Variants in SDC2 observed in about 807,000 individuals in gnomAD.
SDC2 encodes syndecan-2.
In SDC2, 13 loss-of-function variants were observed where a neutral mutation model predicts 22.2. The observed-to-expected ratio is 0.59, with a 90% CI of 0.38 to 0.93. The LOEUF (loss-of-function observed/expected upper bound fraction) is 0.93. Among genes scored for constraint, SDC2 ranks in the 40% least tolerant of loss-of-function variants. The pLI, the probability that SDC2 is intolerant of heterozygous loss-of-function variation, is 0.00. For missense variants in SDC2, 235 were observed against 246.8 expected (o/e 0.95, Z 0.32); for synonymous variants, 94 against 92.8 (o/e 1.01, Z -0.07).
At chr8:96,549,051 T>A (rs1813982766) in intron 1 of SDC2, among the ~76,000 whole-genome samples, 3 of 152,224 alleles carry the variant, frequency 2.0e-5, no homozygotes, top group African/African-American at 7.2e-5. Context: ...AACTCGAAGG[T>A]GCCTCTGTAC....
intron 1 of SDC2, among the ~76,000 whole-genome samples, chr8:96,500,640 C>A (rs1044883214): frequency 8.1e-6 from 1 of 122,964 alleles, no homozygotes; most frequent in African/African-American, 3.2e-5. Context: ...GCAGCCTGGG[C>A]GACAGAGTGA....
At chr8:96,567,827 T>C (rs1586304302) in intron 1 of SDC2, among the ~76,000 whole-genome samples, 1 of 152,318 alleles carries the variant, frequency 6.6e-6, no homozygotes, top group Middle Eastern at 3.4e-3. Context: ...AACACCTCCG[T>C]TGAGCACCTC....
At chr8:96,525,353 G>A (rs1813561012) in intron 1 of SDC2, among the ~76,000 whole-genome samples, 1 of 152,156 alleles carries the variant, frequency 6.6e-6, no homozygotes, top group South Asian at 2.1e-4. Flanking sequence ...CCTCCCACCT[G>A]TGCTCACTTC....
At chr8:96,514,917 C>T (rs762415873) in intron 1 of SDC2, among the ~76,000 whole-genome samples, 100 of 152,112 alleles carry the variant, frequency 6.6e-4, no homozygotes, top group Admixed American at 1.2e-3. Context: ...CCCCGGGGGT[C>T]GGGGAATCCC....
intron 2 of SDC2, among the ~76,000 whole-genome samples, chr8:96,599,049 C>G (rs759562972): frequency 6.7e-6 from 1 of 148,518 alleles, no homozygotes; most frequent in Non-Finnish European, 1.5e-5. Flanking sequence ...TCAAGTGATT[C>G]TCCTGCTTGA....
intron 1 of SDC2, among the ~76,000 whole-genome samples, chr8:96,568,754 A>G (rs1814341570): frequency 6.6e-6 from 1 of 152,218 alleles, no homozygotes; most frequent in South Asian, 2.1e-4. Context: ...ATGGGTCTTT[A>G]GTCCTAAGAG....
intron 3 of SDC2, among the ~76,000 whole-genome samples, chr8:96,604,488 A>G (rs1432848453): frequency 6.6e-6 from 1 of 152,182 alleles, no homozygotes; most frequent in Non-Finnish European, 1.5e-5. Flanking sequence ...GATAATGATA[A>G]TATTGATCAT....
chr8:96,602,329 T>A, intron 2 of SDC2, 66 bp from the exon 3 acceptor site: 1 of 1,533,582 alleles, frequency 6.5e-7, no homozygotes, highest in African/African-American at 1.4e-5. Flanking sequence ...CAGGCAATAG[T>A]GCCTGATAAT....
intron 1 of SDC2, among the ~76,000 whole-genome samples, chr8:96,500,411 C>T (rs566280244): frequency 2.6e-4 from 40 of 152,008 alleles, no homozygotes; most frequent in Non-Finnish European, 5.4e-4. Context: ...CCTGTAATCC[C>T]AGCACTTTGG....
chr8:96,589,964 C>T (rs1743796746), intron 1 of SDC2, among the ~76,000 whole-genome samples: 1 of 152,216 alleles, frequency 6.6e-6, no homozygotes, highest in African/African-American at 2.4e-5. Flanking sequence ...TCCTTCTAGG[C>T]ATTGTGGGTT....
At chr8:96,606,374 A>T (rs944266069) in intron 3 of SDC2, among the ~76,000 whole-genome samples, 1 of 152,156 alleles carries the variant, frequency 6.6e-6, no homozygotes, top group Admixed American at 6.5e-5. Context: ...TTAAACCTCA[A>T]TGAAGTTGAC....
At chr8:96,596,219 A>G (rs758326149) in intron 2 of SDC2, among the ~76,000 whole-genome samples, 22 of 152,178 alleles carry the variant, frequency 1.4e-4, no homozygotes, top group Non-Finnish European at 2.4e-4. Context: ...TGGGCGTGAG[A>G]GTGTGTTTTC....
intron 2 of SDC2, among the ~76,000 whole-genome samples, chr8:96,598,142 C>T (rs1336149255): frequency 6.6e-6 from 1 of 152,030 alleles, no homozygotes; most frequent in Non-Finnish European, 1.5e-5. Flanking sequence ...GCAAAGGGGA[C>T]AAACAGTGTC....
At chr8:96,571,883 G>T (rs1272456342) in intron 1 of SDC2, among the ~76,000 whole-genome samples, 1 of 152,180 alleles carries the variant, frequency 6.6e-6, no homozygotes, top group African/African-American at 2.4e-5. Context: ...TTGGATCCTG[G>T]CGCTGTGAAG....
At chr8:96,572,308 T>A (rs1303576843) in intron 1 of SDC2, among the ~76,000 whole-genome samples, 1 of 152,172 alleles carries the variant, frequency 6.6e-6, no homozygotes, top group East Asian at 1.9e-4. Context: ...TTATGGAAAG[T>A]TTTTTTGGGC....
chr8:96,577,904 A>G (rs547060220), intron 1 of SDC2, among the ~76,000 whole-genome samples: 2 of 152,182 alleles, frequency 1.3e-5, no homozygotes, highest in Admixed American at 1.3e-4. Context: ...TGTCTTTTTG[A>G]TGGCTTGATA....
intron 1 of SDC2, among the ~76,000 whole-genome samples, chr8:96,571,782 C>CAA (rs1814399283): frequency 6.6e-6 from 1 of 152,126 alleles, no homozygotes; most frequent in Non-Finnish European, 1.5e-5. Flanking sequence ...GAAGACAGTA[C>CAA]CTTGAACATT....
intron 1 of SDC2, among the ~76,000 whole-genome samples, chr8:96,557,057 A>G (rs1264404852): frequency 6.6e-6 from 1 of 150,578 alleles, no homozygotes; most frequent in African/African-American, 2.4e-5. Context: ...GAGAAATGCA[A>G]ATCAAAACCA....
intron 3 of SDC2, among the ~76,000 whole-genome samples, chr8:96,606,609 G>A (rs1415345599): frequency 1.3e-5 from 2 of 152,168 alleles, no homozygotes; most frequent in Non-Finnish European, 2.9e-5. Context: ...AGCAGTCAGA[G>A]GGAGATGGTG....
Sources: allele counts gnomAD v4.1 joint callset (sites outside exome capture counted in the v4.1 genomes callset), GRCh38; gene constraint gnomAD v4.1.1; transcripts MANE v1.5; gene names NCBI Gene and HGNC (gene_info 2026-07-23, HGNC 2026-07-21).